Variants in DPP6 observed in about 807,000 individuals in gnomAD.
DPP6 encodes dipeptidyl peptidase like 6.
A neutral mutation model predicts 122.6 loss-of-function variants in DPP6; 69 were observed. The ratio of observed to expected loss-of-function variants is 0.56; its 90% CI spans 0.46 to 0.69. The LOEUF (loss-of-function observed/expected upper bound fraction) is 0.69. DPP6 is among the 30% of genes least tolerant of loss of function. The probability of loss-of-function intolerance (pLI) is 0.00; values close to 1 mark genes in which losing one functional copy is unlikely to be tolerated. For synonymous variants in DPP6, 418 were observed against 433.1 expected (o/e 0.97, Z 0.43); for missense variants, 928 against 1,116.9 (o/e 0.83, Z 2.41).
intron 23 of DPP6, among the ~76,000 whole-genome samples, chr7:154,888,087 CTT>C (rs532540671): frequency 0.048 from 5,650 of 118,842 alleles, 114 homozygotes; most frequent in African/African-American, 0.065. Context: ...GGAGAGTGAG[CTT>C]TTTTTTTTTT....
At chr7:154,554,009 T>C (rs551233817) in intron 4 of DPP6, among the ~76,000 whole-genome samples, 36 of 152,108 alleles carry the variant, frequency 2.4e-4, no homozygotes, top group Non-Finnish European at 4.4e-4. Flanking sequence ...GCTTTTTCGA[T>C]GTGGCTATTT....
intron 1 of DPP6, among the ~76,000 whole-genome samples, chr7:154,401,216 A>C (rs1257193557): frequency 7.6e-5 from 11 of 144,630 alleles, no homozygotes; most frequent in African/African-American, 1.6e-4. Context: ...AAAAACAAAA[A>C]CAAAAAAAAA....
At chr7:154,748,870 C>T (rs962812712) in intron 8 of DPP6, among the ~76,000 whole-genome samples, 4 of 152,194 alleles carry the variant, frequency 2.6e-5, no homozygotes, top group Non-Finnish European at 5.9e-5. Flanking sequence ...GGCCCAGTAC[C>T]GCAGGCTTGC....
intron 1 of DPP6, among the ~76,000 whole-genome samples, chr7:154,059,787 A>C (rs570661609): frequency 6.6e-6 from 1 of 151,314 alleles, no homozygotes; most frequent in Non-Finnish European, 1.5e-5. Flanking sequence ...CTTTTAACCC[A>C]AACTGTGGGG....
Position 154,885,382 on chromosome 7 carries a change from T to C in DPP6, c.2134-251T>C, listed in dbSNP as rs1235065547. The C allele has an allele frequency of 2.9e-5, 14 of 476,990 alleles. No individual in the cohort carries two copies. In the South Asian group the frequency reaches 3.3e-4, roughly 11 times the overall value. 29.5% of individuals were successfully genotyped at this position (476,990 alleles called of 1,614,324 possible). On this transcript the variant is annotated intron_variant, in intron 21 of 25. Coordinates refer to ENST00000377770, the MANE Select transcript of DPP6 (RefSeq NM_130797.4). ...TTGCCTTTCCAATTCGCCGTTGCAT[T>C]TCATCCTCACGTCCCTTGACACCAA...
At chr7:154,782,026 T>G (rs1394974895) in intron 10 of DPP6, among the ~76,000 whole-genome samples, 3 of 152,240 alleles carry the variant, frequency 2.0e-5, no homozygotes, top group Non-Finnish European at 4.4e-5. Flanking sequence ...ACTCATGGAA[T>G]GTAATAACGT....
chr7:154,843,614 T>C (rs913195683), intron 16 of DPP6, among the ~76,000 whole-genome samples: 3 of 152,208 alleles, frequency 2.0e-5, no homozygotes, highest in African/African-American at 7.2e-5. Flanking sequence ...GTTGAGAGAA[T>C]GTCTCTAAGA....
the DPP6 span, among the ~76,000 whole-genome samples, chr7:153,848,137 C>A: frequency 1.4e-4 from 22 of 152,246 alleles, 1 homozygote; most frequent in Admixed American, 9.8e-4. Context: ...AGAGTCACAG[C>A]GGCTGAGGCC....
intron 7 of DPP6, among the ~76,000 whole-genome samples, chr7:154,717,024 A>T (rs1245165045): frequency 1.3e-5 from 2 of 152,020 alleles, no homozygotes; most frequent in East Asian, 3.9e-4. Flanking sequence ...GTAGAGACAG[A>T]GTTTCTTCAT....
chr7:154,886,245 C>T (rs1806138485), intron 22 of DPP6, among the ~76,000 whole-genome samples: 1 of 152,218 alleles, frequency 6.6e-6, no homozygotes, highest in South Asian at 2.1e-4. Flanking sequence ...CGTGGCTCAG[C>T]TCTGCCTTCC....
chr7:154,267,566 T>A (rs1170672903), intron 1 of DPP6, among the ~76,000 whole-genome samples: 1 of 148,980 alleles, frequency 6.7e-6, no homozygotes, highest in Non-Finnish European at 1.5e-5. Context: ...TATACACACA[T>A]GTACACACAC....
chr7:154,145,071 C>G (rs3115145), intron 1 of DPP6, among the ~76,000 whole-genome samples: 1,724 of 151,902 alleles, frequency 0.011, 10 homozygotes, highest in Non-Finnish European at 0.016. Flanking sequence ...CACACCATCT[C>G]CCAGTTGTTT....
chr7:153,868,366 T>C, the DPP6 span, among the ~76,000 whole-genome samples: 1 of 152,216 alleles, frequency 6.6e-6, no homozygotes, highest in Admixed American at 6.5e-5. Context: ...AAATTCTTCC[T>C]GGTTTAGTCT....
chr7:154,450,097 A>G (rs1820233934), intron 2 of DPP6, among the ~76,000 whole-genome samples: 1 of 152,102 alleles, frequency 6.6e-6, no homozygotes, highest in Non-Finnish European at 1.5e-5. Context: ...CCACTGTAAA[A>G]AGGAATGAAG....
intron 1 of DPP6, among the ~76,000 whole-genome samples, chr7:154,143,699 C>G (rs1360495661): frequency 6.6e-6 from 1 of 151,304 alleles, no homozygotes; most frequent in Non-Finnish European, 1.5e-5. Flanking sequence ...ATTCTGTAAC[C>G]TGCTGCTTTG....
At chr7:154,711,153 T>C (rs1028870217) in intron 7 of DPP6, among the ~76,000 whole-genome samples, 2 of 152,196 alleles carry the variant, frequency 1.3e-5, no homozygotes, top group Non-Finnish European at 2.9e-5. Flanking sequence ...ACCTAGGCAA[T>C]GTGATAATTG....
chr7:154,871,069 C>T lies in DPP6; in HGVS notation c.1814-1555C>T, dbSNP rs530808116. 5.9e-5 allele frequency among the ~76,000 whole-genome samples: 9 copies of T among 152,270 alleles called. No individual in the cohort carries two copies. The South Asian group carries it at 8.3e-4, about 14-fold the overall frequency. ...CTCTGTTCTCAGCTCGAGGCTCCTC[C>T]GCAGCCTTGGCGGCCAGACTGTCAC... is the stretch of plus-strand genomic sequence containing the variant. On this transcript the variant is annotated intron_variant, in intron 18 of 25. Transcript: ENST00000377770.
chr7:153,774,876 GA>G, the DPP6 span, among the ~76,000 whole-genome samples: 1 of 152,128 alleles, frequency 6.6e-6, no homozygotes, highest in East Asian at 1.9e-4. Context: ...TTGAGCCCAG[GA>G]GGATCTCTTG....
intron 7 of DPP6, among the ~76,000 whole-genome samples, chr7:154,694,608 A>C (rs932445760): frequency 6.9e-5 from 10 of 145,766 alleles, no homozygotes; most frequent in Non-Finnish European, 1.2e-4. Flanking sequence ...GTGAGACTCC[A>C]TCTCAAAAAA....
Sources: allele counts gnomAD v4.1 joint callset (sites outside exome capture counted in the v4.1 genomes callset), GRCh38; gene constraint gnomAD v4.1.1; transcripts MANE v1.5; gene names NCBI Gene and HGNC (gene_info 2026-07-23, HGNC 2026-07-21).